The following CNTN6 variants were observed in gnomAD, a reference collection of about 807,000 sequenced individuals.
The protein encoded by CNTN6 is contactin-6.
In CNTN6, 137 loss-of-function variants were observed where a neutral mutation model predicts 122.8. The ratio of observed to expected loss-of-function variants is 1.12; its 90% CI spans 0.97 to 1.29. The LOEUF (loss-of-function observed/expected upper bound fraction) is 1.29. Among genes scored for constraint, CNTN6 ranks in the 50% most tolerant of loss-of-function variants. CNTN6 has a pLI of 0.00. For synonymous variants in CNTN6, 570 were observed against 426.0 expected, an observed-to-expected ratio of 1.34 and a Z score of -4.16; for missense variants, 1,634 against 1,223.4, an observed-to-expected ratio of 1.34 and a Z score of -5.01.
chr3:1,233,599 G>GC (rs2094382451), intron 4 of CNTN6, among the ~76,000 whole-genome samples: 1 of 151,696 alleles, frequency 6.6e-6, no homozygotes, highest in Non-Finnish European at 1.5e-5. Context: ...GCCGGGTGTG[G>GC]TGGTGTGCAC....
chr3:1,229,533 C>T (rs1044445823), intron 4 of CNTN6, among the ~76,000 whole-genome samples: 10 of 152,152 alleles, frequency 6.6e-5, no homozygotes, highest in Admixed American at 6.5e-4. Flanking sequence ...CAAATCAATG[C>T]ACTCTTTGAT....
intron 8 of CNTN6, among the ~76,000 whole-genome samples, chr3:1,324,163 A>G (rs1701229526): frequency 6.7e-6 from 1 of 149,422 alleles, no homozygotes; most frequent in Admixed American, 6.6e-5. Context: ...TGTAACTGGA[A>G]GTTGTCCTGA....
chr3:1,346,594 C>A (rs551192571), intron 11 of CNTN6, among the ~76,000 whole-genome samples: 1 of 152,242 alleles, frequency 6.6e-6, no homozygotes, highest in South Asian at 2.1e-4. Flanking sequence ...GTTGAAGCAG[C>A]CTGAGAACCT....
At chr3:1,370,951 TTTGA>T (rs1341527140) in intron 12 of CNTN6, among the ~76,000 whole-genome samples, 2 of 152,110 alleles carry the variant, frequency 1.3e-5, no homozygotes, top group Non-Finnish European at 1.5e-5. Context: ...ACAGAATGAG[TTTGA>T]TTTTCTCTAT....
intron 4 of CNTN6, among the ~76,000 whole-genome samples, chr3:1,254,626 G>A (rs1222789739): frequency 6.6e-6 from 1 of 152,118 alleles, no homozygotes; most frequent in Non-Finnish European, 1.5e-5. Context: ...TACGAAAGCA[G>A]TAGGAGAGGG....
Position 1,217,470 on chromosome 3 carries a change from C to A in CNTN6, c.56-3217C>A, listed in dbSNP as rs550951059. Reference sequence around the variant, plus strand: ...TTTTTAGGTTTTTAGTTGAGACACCCTCCTACAAACAAAAATCAAATTAAC... The same window carrying A: ...TTTTTAGGTTTTTAGTTGAGACACCATCCTACAAACAAAAATCAAATTAAC... On this transcript the variant is annotated intron_variant, in intron 2 of 22. Coordinates refer to ENST00000446702, the MANE Select transcript of CNTN6 (RefSeq NM_001289080.2). Among the ~76,000 whole-genome samples, 5 of 152,280 alleles carry A rather than the reference C, an allele frequency of 3.3e-5. No individual in the cohort carries two copies. In the East Asian group the frequency reaches 9.6e-4, roughly 29 times the overall value.
chr3:1,154,228 T>C (rs1300595092), intron 2 of CNTN6, among the ~76,000 whole-genome samples: 1 of 152,120 alleles, frequency 6.6e-6, no homozygotes, highest in East Asian at 1.9e-4. Context: ...GGGAAATGAT[T>C]GGTATGCAGA....
intron 4 of CNTN6, among the ~76,000 whole-genome samples, chr3:1,276,938 ATTGGCAAT>A (rs1269379287): frequency 1.4e-4 from 22 of 152,264 alleles, no homozygotes; most frequent in African/African-American, 4.3e-4. Flanking sequence ...CTCCCATATC[ATTGGCAAT>A]TTGGCAATTT....
At chr3:1,154,689 CGCCTCA>C (rs2092924716) in intron 2 of CNTN6, among the ~76,000 whole-genome samples, 1 of 152,044 alleles carries the variant, frequency 6.6e-6, no homozygotes, top group Admixed American at 6.5e-5. Flanking sequence ...GTGTTCCGCC[CGCCTCA>C]GCCTCCCTAA....
chr3:1,274,264 C>A (rs1691910302), intron 4 of CNTN6, among the ~76,000 whole-genome samples: 1 of 152,110 alleles, frequency 6.6e-6, no homozygotes, highest in Non-Finnish European at 1.5e-5. Flanking sequence ...CAAGTCAAGG[C>A]AATAGTTCAC....
chr3:1,253,992 T>C (rs1392041128), intron 4 of CNTN6, among the ~76,000 whole-genome samples: 3 of 152,194 alleles, frequency 2.0e-5, no homozygotes, highest in Non-Finnish European at 4.4e-5. Flanking sequence ...TAAATTTATA[T>C]AAATGGGATT....
At chr3:1,373,114 AGTGTGAATACAGACATGGAACT>A (rs1423413920) in intron 14 of CNTN6, among the ~76,000 whole-genome samples, 159 bp downstream of exon 14, 30 of 152,172 alleles carry the variant, frequency 2.0e-4, no homozygotes, top group Non-Finnish European at 3.5e-4. Context: ...TGGTATGGGT[AGTGTGAATACAGACATGGAACT>A]GTGTGAATAC....
Position 1,113,091 on chromosome 3 carries a change from G to A in CNTN6, c.-83+19971G>A, listed in dbSNP as rs543399482. On this transcript the variant is annotated intron_variant, in intron 1 of 22. Coordinates refer to ENST00000446702, the MANE Select transcript of CNTN6 (RefSeq NM_001289080.2). ...AGAGTGACTTTCCTCAGGCTCTGACGTCTCTTGAGGAGTCTGACAAGAAAA... is the reference window on the plus strand; with the variant it reads ...AGAGTGACTTTCCTCAGGCTCTGACATCTCTTGAGGAGTCTGACAAGAAAA... Among the ~76,000 whole-genome samples, 64 of 152,210 alleles carry A rather than the reference G, an allele frequency of 4.2e-4. No homozygotes were observed. In the South Asian group the frequency reaches 0.011, roughly 26 times the overall value.
chr3:1,344,735 G>A (rs965654201), intron 11 of CNTN6, among the ~76,000 whole-genome samples: 2 of 152,136 alleles, frequency 1.3e-5, no homozygotes, highest in African/African-American at 4.8e-5. Flanking sequence ...TTTCCCCAAA[G>A]TCAGACAAAA....
At chr3:1,251,180 T>C (rs1421257966) in intron 4 of CNTN6, among the ~76,000 whole-genome samples, 1 of 152,206 alleles carries the variant, frequency 6.6e-6, no homozygotes. Flanking sequence ...TTTCGTTCTG[T>C]TGCCCTTGTT....
chr3:1,220,623 T>C (rs1033063283), intron 2 of CNTN6, 64 bp from the exon 3 acceptor site: 4 of 1,386,260 alleles, frequency 2.9e-6, no homozygotes, highest in Non-Finnish European at 3.9e-6. Flanking sequence ...TGATATTTAA[T>C]ATAGACTTGC....
intron 4 of CNTN6, among the ~76,000 whole-genome samples, chr3:1,247,453 T>TTTA (rs1553640107): frequency 2.0e-5 from 3 of 149,242 alleles, no homozygotes; most frequent in East Asian, 2.0e-4. Flanking sequence ...CTATATGGTT[T>TTTA]AAAAAAAAAA....
intron 7 of CNTN6, among the ~76,000 whole-genome samples, chr3:1,320,731 A>T (rs1399146755): frequency 1.3e-5 from 2 of 151,726 alleles, no homozygotes; most frequent in African/African-American, 4.8e-5. Context: ...TTAGTTTAGT[A>T]GTGAATATTT....
chr3:1,122,968 T>TAG (rs2092019967), intron 1 of CNTN6, among the ~76,000 whole-genome samples: 1 of 151,822 alleles, frequency 6.6e-6, no homozygotes, highest in Non-Finnish European at 1.5e-5. Flanking sequence ...ACTGAAATGA[T>TAG]AGGGTTACAA....
Sources: allele counts gnomAD v4.1 joint callset (sites outside exome capture counted in the v4.1 genomes callset), GRCh38; gene constraint gnomAD v4.1.1; transcripts MANE v1.5; gene names NCBI Gene and HGNC (gene_info 2026-07-23, HGNC 2026-07-21).